GABRB1: variants seen among roughly 807,000 people sequenced by gnomAD.
The protein encoded by GABRB1 is gamma-aminobutyric acid receptor subunit beta-1.
A neutral mutation model predicts 51.6 loss-of-function variants in GABRB1; 17 were observed. The observed-to-expected ratio is 0.33, with a 90% CI of 0.23 to 0.49. The LOEUF (loss-of-function observed/expected upper bound fraction) is 0.49, where lower values mean the gene tolerates loss of function less well. Among genes scored for constraint, GABRB1 ranks in the 20% least tolerant of loss-of-function variants. GABRB1 has a pLI of 0.99. For synonymous variants in GABRB1, 247 were observed against 218.9 expected (o/e 1.13, Z -1.14); for missense variants, 410 against 600.6 (o/e 0.68, Z 3.32).
intron 1 of GABRB1, among the ~76,000 whole-genome samples, chr4:47,020,612 C>T (rs1437312040): frequency 2.0e-5 from 3 of 152,150 alleles, no homozygotes; most frequent in Non-Finnish European, 2.9e-5. Flanking sequence ...TTCTTTTCCT[C>T]ACATCTATAT....
At chr4:47,163,136 A>G (rs1379172156) in intron 4 of GABRB1, among the ~76,000 whole-genome samples, 1 of 152,082 alleles carries the variant, frequency 6.6e-6, no homozygotes, top group Non-Finnish European at 1.5e-5. Flanking sequence ...TTGACCTTGA[A>G]CAAATTATGT....
chr4:47,033,069 G>A (rs1296029688), intron 3 of GABRB1: 2 of 249,442 alleles, frequency 8.0e-6, no homozygotes, highest in East Asian at 1.9e-4. Context: ...AGCCTGGGTA[G>A]GCTTGTATTG....
chr4:47,049,016 C>T (rs928384740), intron 3 of GABRB1, among the ~76,000 whole-genome samples: 8 of 150,576 alleles, frequency 5.3e-5, no homozygotes, highest in African/African-American at 9.8e-5. Context: ...CCTAGGGTTA[C>T]TGTCATAGAC....
At chr4:47,218,751 G>A (rs150364278) in intron 4 of GABRB1, among the ~76,000 whole-genome samples, 16 of 151,858 alleles carry the variant, frequency 1.1e-4, no homozygotes, top group African/African-American at 2.4e-4. Context: ...CGCATTCCAA[G>A]GCTTATTGTG....
chr4:47,302,767 T>C (rs894787327), intron 4 of GABRB1, among the ~76,000 whole-genome samples: 4 of 152,034 alleles, frequency 2.6e-5, no homozygotes, highest in Non-Finnish European at 5.9e-5. Flanking sequence ...TTCATTTAAA[T>C]AGGCAAGGTA....
chr4:47,140,350 A>C (rs549130710), intron 3 of GABRB1, among the ~76,000 whole-genome samples: 38 of 152,172 alleles, frequency 2.5e-4, no homozygotes, highest in African/African-American at 9.1e-4. Flanking sequence ...TTCTGATCAA[A>C]ATATACAATT....
At chr4:47,114,434 A>T (rs1389032934) in intron 3 of GABRB1, among the ~76,000 whole-genome samples, 1 of 152,162 alleles carries the variant, frequency 6.6e-6, no homozygotes, top group Non-Finnish European at 1.5e-5. Context: ...TCAATAAACC[A>T]GTGTGTTCAT....
chr4:47,420,226 A>G (rs1729051519), intron 8 of GABRB1, among the ~76,000 whole-genome samples: 1 of 152,152 alleles, frequency 6.6e-6, no homozygotes, highest in Admixed American at 6.5e-5. Flanking sequence ...AAAACTCCAG[A>G]AGGCACGGAG....
At chr4:47,233,698 C>T (rs1479751938) in intron 4 of GABRB1, among the ~76,000 whole-genome samples, 1 of 152,098 alleles carries the variant, frequency 6.6e-6, no homozygotes, top group Non-Finnish European at 1.5e-5. Flanking sequence ...TATAATTTAT[C>T]AATTTCTACA....
At chr4:47,324,513 A>C (rs1725183866) in intron 5 of GABRB1, among the ~76,000 whole-genome samples, 1 of 152,152 alleles carries the variant, frequency 6.6e-6, no homozygotes, top group South Asian at 2.1e-4. Flanking sequence ...TTTTCTCCAA[A>C]GTACTTGAAA....
At chr4:47,165,252 G>T (rs1184270946) in intron 4 of GABRB1, among the ~76,000 whole-genome samples, 1 of 151,946 alleles carries the variant, frequency 6.6e-6, no homozygotes, top group Non-Finnish European at 1.5e-5. Context: ...ATCTCTCCAT[G>T]TCTGCATGTA....
At chr4:47,399,153 T>C (rs918322701) in intron 5 of GABRB1, among the ~76,000 whole-genome samples, 2 of 152,232 alleles carry the variant, frequency 1.3e-5, no homozygotes, top group Admixed American at 6.5e-5. Context: ...TTGAAAGTTA[T>C]CAAATGCCAT....
At chr4:47,124,235 A>G (rs1716007836) in intron 3 of GABRB1, among the ~76,000 whole-genome samples, 1 of 151,878 alleles carries the variant, frequency 6.6e-6, no homozygotes, top group South Asian at 2.1e-4. Context: ...TATTGGCATT[A>G]GAAGAGTTTT....
At chr4:47,112,369 G>C (rs1278206158) in intron 3 of GABRB1, among the ~76,000 whole-genome samples, 7 of 152,168 alleles carry the variant, frequency 4.6e-5, no homozygotes, top group Non-Finnish European at 1.0e-4. Context: ...CCTCCCAAGT[G>C]CTGGGATTAC....
chr4:47,201,975 G>C (rs937051162), intron 4 of GABRB1, among the ~76,000 whole-genome samples: 1 of 152,070 alleles, frequency 6.6e-6, no homozygotes, highest in Non-Finnish European at 1.5e-5. Context: ...AGTATAAACT[G>C]TCCTCCTTCC....
intron 5 of GABRB1, among the ~76,000 whole-genome samples, chr4:47,373,155 G>T (rs539978526): frequency 6.6e-6 from 1 of 152,330 alleles, no homozygotes; most frequent in East Asian, 1.9e-4. Context: ...TCCTCAAGGA[G>T]GTGAAGGGAA....
rs566669436 is a variant in GABRB1 at position 47,162,073 on chromosome 4, A to G, written c.461+604A>G. Among the ~76,000 whole-genome samples the G allele has an allele frequency of 5.9e-5, 9 of 152,172 alleles. No individual in the cohort carries two copies. The South Asian group carries it at 1.9e-3, about 32-fold the overall frequency. On this transcript the variant is annotated intron_variant, in intron 4 of 8. Coordinates refer to ENST00000295454, the MANE Select transcript of GABRB1 (RefSeq NM_000812.4). ...ATTGTTCTTGGCAAAATGATCTTTG[A>G]AATTTTTTCACTCTTTCTGTACCCC... is the stretch of plus-strand genomic sequence containing the variant.
At chr4:47,012,090 T>A (rs1248552582) in intron 1 of GABRB1, among the ~76,000 whole-genome samples, 1 of 152,202 alleles carries the variant, frequency 6.6e-6, no homozygotes, top group East Asian at 1.9e-4. Flanking sequence ...CATATTGAAT[T>A]TGGTAGTTCA....
At chr4:47,301,428 G>A (rs1434318572) in intron 4 of GABRB1, among the ~76,000 whole-genome samples, 1 of 151,924 alleles carries the variant, frequency 6.6e-6, no homozygotes, top group East Asian at 1.9e-4. Flanking sequence ...CTTGAACCCA[G>A]GAGTTCAAGA....
Sources: allele counts gnomAD v4.1 joint callset (sites outside exome capture counted in the v4.1 genomes callset), GRCh38; gene constraint gnomAD v4.1.1; transcripts MANE v1.5; gene names NCBI Gene and HGNC (gene_info 2026-07-23, HGNC 2026-07-21).